Variants in NRXN1 observed in about 807,000 individuals in gnomAD.
NRXN1 encodes the protein neurexin 1.
A neutral mutation model predicts 150.9 loss-of-function variants in NRXN1; 39 were observed. The ratio of observed to expected loss-of-function variants is 0.26; its 90% CI spans 0.20 to 0.34. NRXN1 has a LOEUF of 0.34. Ranked by LOEUF, NRXN1 falls within the 10% of genes least tolerant of loss-of-function variation. The probability of loss-of-function intolerance (pLI) is 1.00; values close to 1 mark genes in which losing one functional copy is unlikely to be tolerated. For synonymous variants in NRXN1, 924 were observed against 757.0 expected (o/e 1.22, Z -3.62); for missense variants, 1,815 against 1,949.9 (o/e 0.93, Z 1.30).
chr2:50,440,242 AAG>A (rs968620043), intron 17 of NRXN1, among the ~76,000 whole-genome samples: 1 of 152,096 alleles, frequency 6.6e-6, no homozygotes, highest in Non-Finnish European at 1.5e-5. Context: ...AAAAGGAGTA[AAG>A]AGAGAGTCTG....
intron 17 of NRXN1, among the ~76,000 whole-genome samples, chr2:50,403,456 T>G (rs1283299075): frequency 6.6e-6 from 1 of 152,142 alleles, no homozygotes; most frequent in Non-Finnish European, 1.5e-5. Flanking sequence ...TTTAAGAAAC[T>G]CCACTCTTTC....
At chr2:50,925,976 G>T in intron 2 of NRXN1, 21 bp from the exon 3 acceptor site, 1 of 1,566,472 alleles carries the variant, frequency 6.4e-7, no homozygotes, top group East Asian at 2.4e-5. Flanking sequence ...ATGACAAGGA[G>T]GGAGAGAAAA....
intron 17 of NRXN1, among the ~76,000 whole-genome samples, chr2:50,258,442 G>C (rs771573965): frequency 7.9e-5 from 12 of 151,902 alleles, no homozygotes; most frequent in Non-Finnish European, 1.3e-4. Context: ...GTTTTATCAT[G>C]AGATTGCAGC....
chr2:49,923,062 G>T (rs898349834), intron 22 of NRXN1, among the ~76,000 whole-genome samples: 1 of 152,108 alleles, frequency 6.6e-6, no homozygotes, highest in African/African-American at 2.4e-5. Flanking sequence ...CCCTTCTTCA[G>T]TCTTCCCAAA....
intron 5 of NRXN1, among the ~76,000 whole-genome samples, chr2:50,742,970 T>C (rs907949734): frequency 1.3e-5 from 2 of 152,186 alleles, no homozygotes; most frequent in Admixed American, 6.6e-5. Context: ...GAAGAGACAA[T>C]GTTCAAGGTC....
At chr2:50,507,770 G>A (rs1345863856) in intron 12 of NRXN1, among the ~76,000 whole-genome samples, 1 of 151,602 alleles carries the variant, frequency 6.6e-6, no homozygotes, top group Non-Finnish European at 1.5e-5. Context: ...TACATTGTTT[G>A]GTAATGAATT....
intron 17 of NRXN1, among the ~76,000 whole-genome samples, chr2:50,277,666 T>C (rs1467987896): frequency 1.3e-5 from 2 of 152,022 alleles, no homozygotes; most frequent in Non-Finnish European, 2.9e-5. Context: ...TTTAGAAAAA[T>C]ATTTTCATGT....
At chr2:50,063,547 G>C (rs115737255) in intron 19 of NRXN1, among the ~76,000 whole-genome samples, 67 of 137,574 alleles carry the variant, frequency 4.9e-4, no homozygotes, top group East Asian at 1.5e-3. Flanking sequence ...CACCTCAACA[G>C]ACACACACAC....
At chr2:50,130,723 T>G (rs1198321305) in intron 18 of NRXN1, among the ~76,000 whole-genome samples, 2 of 152,242 alleles carry the variant, frequency 1.3e-5, no homozygotes, top group Non-Finnish European at 2.9e-5. Flanking sequence ...ACTGTTTTCA[T>G]TATTAACCAT....
At chr2:50,891,367 A>T (rs866343374) in intron 5 of NRXN1, among the ~76,000 whole-genome samples, 1 of 151,904 alleles carries the variant, frequency 6.6e-6, no homozygotes, top group Non-Finnish European at 1.5e-5. Flanking sequence ...AAAGCACAGG[A>T]CTCCAGGTCA....
chr2:50,302,061 T>A (rs544658815), intron 17 of NRXN1, among the ~76,000 whole-genome samples: 73 of 152,164 alleles, frequency 4.8e-4, no homozygotes, highest in African/African-American at 1.6e-3. Context: ...TTTTAAAAAA[T>A]TTCTTTTAAG....
At chr2:50,896,578 G>A (rs1378517530) in intron 5 of NRXN1, among the ~76,000 whole-genome samples, 1 of 152,198 alleles carries the variant, frequency 6.6e-6, no homozygotes, top group Admixed American at 6.5e-5. Context: ...CAGGCGCAGT[G>A]GCTCACACCT....
intron 17 of NRXN1, among the ~76,000 whole-genome samples, chr2:50,302,136 T>A (rs2074210282): frequency 6.6e-6 from 1 of 152,036 alleles, no homozygotes; most frequent in South Asian, 2.1e-4. Flanking sequence ...TATAATGAAG[T>A]TAGTTTTGAA....
rs374043825 is a variant in NRXN1, at chr2:50,197,822, C to G, written c.3546+38967G>C. ...CAGCTACTTGACACCTACCAAAACCCTCATTAACTAGTGGACTACAACATA... is the reference window on the plus strand; with the variant it reads ...CAGCTACTTGACACCTACCAAAACCGTCATTAACTAGTGGACTACAACATA... On this transcript the variant is annotated intron_variant, in intron 18 of 22. Coordinates refer to ENST00000401669, the MANE Select transcript of NRXN1 (RefSeq NM_001330078.2). 5.9e-5 allele frequency among the ~76,000 whole-genome samples: 9 copies of G among 152,222 alleles called. No homozygotes were observed. The East Asian group carries it at 1.2e-3, about 20-fold the overall frequency.
chr2:50,497,796 C>A (rs1016406313), intron 13 of NRXN1, 82 bp from the exon 14 acceptor site: 1 of 1,358,894 alleles, frequency 7.4e-7, no homozygotes, highest in Non-Finnish European at 1.0e-6. Context: ...ATATCACATT[C>A]TAAAATACAA....
chr2:50,179,116 G>T (rs1007468657), intron 18 of NRXN1, among the ~76,000 whole-genome samples: 3 of 152,110 alleles, frequency 2.0e-5, no homozygotes, highest in African/African-American at 7.2e-5. Flanking sequence ...CTGGAGAAAA[G>T]TAGCTTTAGA....
At chr2:50,262,341 C>T (rs1205937653) in intron 17 of NRXN1, among the ~76,000 whole-genome samples, 1 of 151,618 alleles carries the variant, frequency 6.6e-6, no homozygotes, top group African/African-American at 2.4e-5. Flanking sequence ...AATCATATAC[C>T]CTACATGGCT....
intron 17 of NRXN1, among the ~76,000 whole-genome samples, chr2:50,308,135 T>C (rs998580111): frequency 3.3e-5 from 5 of 152,142 alleles, no homozygotes; most frequent in Admixed American, 3.3e-4. Context: ...TCCTGACTAC[T>C]GTCTTAGCAG....
intron 17 of NRXN1, among the ~76,000 whole-genome samples, chr2:50,277,391 T>TCCTTCCTTCCTTCCTCCCTC (rs746132392): frequency 2.6e-5 from 2 of 78,410 alleles, no homozygotes; most frequent in African/African-American, 8.5e-5. Context: ...CGTCCTTCCT[T>TCCTTCCTTCCTTCCTCCCTC]CCTTCCTTCC....
Sources: allele counts gnomAD v4.1 joint callset (sites outside exome capture counted in the v4.1 genomes callset), GRCh38; gene constraint gnomAD v4.1.1; transcripts MANE v1.5; gene names NCBI Gene and HGNC (gene_info 2026-07-23, HGNC 2026-07-21).